TMIGD3: variants seen among roughly 807,000 people sequenced by gnomAD.
TMIGD3 encodes the protein transmembrane and immunoglobulin domain containing 3.
A neutral mutation model predicts 28.1 loss-of-function variants in TMIGD3; 21 were observed. The observed-to-expected ratio is 0.75, with a 90% CI of 0.53 to 1.08. The LOEUF (loss-of-function observed/expected upper bound fraction) is 1.08, where lower values mean the gene tolerates loss of function less well. TMIGD3 is among the 50% of genes least tolerant of loss of function. The pLI, the probability that TMIGD3 is intolerant of heterozygous loss-of-function variation, is 0.00. For missense variants in TMIGD3, 416 were observed against 435.6 expected, an observed-to-expected ratio of 0.96 and a Z score of 0.40; for synonymous variants, 151 against 162.1, an observed-to-expected ratio of 0.93 and a Z score of 0.52.
chr1:111,561,701 G>A (rs1293380975), intron 1 of TMIGD3, among the ~76,000 whole-genome samples: 2 of 152,214 alleles, frequency 1.3e-5, no homozygotes, highest in East Asian at 3.9e-4. Context: ...CTCATTTATG[G>A]AAGTGTCTCT....
At chr1:111,497,389 C>T (rs1047043823) in intron 1 of TMIGD3, among the ~76,000 whole-genome samples, 13 of 152,224 alleles carry the variant, frequency 8.5e-5, no homozygotes, top group Admixed American at 6.5e-4. Context: ...GGATTACAGG[C>T]ATGAGCCACT....
At chr1:111,535,742 T>C (rs999687696) in intron 1 of TMIGD3, among the ~76,000 whole-genome samples, 1 of 152,140 alleles carries the variant, frequency 6.6e-6, no homozygotes, top group Non-Finnish European at 1.5e-5. Context: ...TGGCCAGGAT[T>C]TTACTCTCCA....
chr1:111,531,532 C>T (rs953981833), intron 1 of TMIGD3, among the ~76,000 whole-genome samples: 3 of 152,212 alleles, frequency 2.0e-5, no homozygotes, highest in South Asian at 2.1e-4. Context: ...TACTACTAAA[C>T]GTTGTCTACT....
intron 1 of TMIGD3, among the ~76,000 whole-genome samples, chr1:111,522,244 T>C (rs1656089917): frequency 6.6e-6 from 1 of 152,244 alleles, no homozygotes; most frequent in Non-Finnish European, 1.5e-5. Flanking sequence ...ATTCTAGGTC[T>C]TTTGAATGTT....
intron 1 of TMIGD3, among the ~76,000 whole-genome samples, chr1:111,530,341 TA>T (rs1656418921): frequency 3.3e-5 from 5 of 152,182 alleles, no homozygotes; most frequent in Admixed American, 3.3e-4. Context: ...TTTGCACAAT[TA>T]TTTTTAAAGA....
At chr1:111,528,661 C>A (rs1253834934) in intron 1 of TMIGD3, among the ~76,000 whole-genome samples, 1 of 152,070 alleles carries the variant, frequency 6.6e-6, no homozygotes, top group East Asian at 1.9e-4. Flanking sequence ...AATGGAATAT[C>A]TCTTTATTTA....
At chr1:111,486,981 A>C (rs1654407268) in intron 3 of TMIGD3, among the ~76,000 whole-genome samples, 1 of 152,214 alleles carries the variant, frequency 6.6e-6, no homozygotes, top group Admixed American at 6.5e-5. Flanking sequence ...CCATAGTTAC[A>C]GTCCTAAACT....
chr1:111,519,218 C>T (rs576348082), intron 1 of TMIGD3, among the ~76,000 whole-genome samples: 4 of 152,244 alleles, frequency 2.6e-5, no homozygotes, highest in Middle Eastern at 3.4e-3. Context: ...GGATTACAGG[C>T]GTGAGCCACC....
intron 1 of TMIGD3, among the ~76,000 whole-genome samples, chr1:111,522,788 T>G (rs952278990): frequency 6.6e-6 from 1 of 152,198 alleles, no homozygotes; most frequent in Non-Finnish European, 1.5e-5. Context: ...AGTGCTGGGA[T>G]TACAGGCGTG....
chr1:111,549,456 C>T (rs965892289), intron 1 of TMIGD3, among the ~76,000 whole-genome samples: 2 of 151,634 alleles, frequency 1.3e-5, no homozygotes. Context: ...CAAGACCAGC[C>T]TGACCAATAT....
intron 3 of TMIGD3, 81 bp downstream of exon 3, chr1:111,488,596 T>C: frequency 7.5e-7 from 1 of 1,329,898 alleles, no homozygotes. Flanking sequence ...TGGGGCTCAC[T>C]GGCTTCAGAG....
intron 1 of TMIGD3, among the ~76,000 whole-genome samples, chr1:111,551,546 T>C (rs1252447930): frequency 6.6e-6 from 1 of 152,228 alleles, no homozygotes; most frequent in Non-Finnish European, 1.5e-5. Context: ...TTTATGCTGT[T>C]ACTGTCACAA....
chr1:111,512,570 C>A (rs1424531220), intron 1 of TMIGD3, among the ~76,000 whole-genome samples: 1 of 152,228 alleles, frequency 6.6e-6, no homozygotes, highest in Non-Finnish European at 1.5e-5. Context: ...CAGCAGTTAG[C>A]ACAGCACTTG....
intron 1 of TMIGD3, among the ~76,000 whole-genome samples, chr1:111,531,053 A>G (rs1441865177): frequency 6.6e-6 from 1 of 152,198 alleles, no homozygotes; most frequent in Non-Finnish European, 1.5e-5. Flanking sequence ...GAAGGCAGAT[A>G]GGTTGCTTGA....
chr1:111,517,108 C>T (rs74112313), intron 1 of TMIGD3, among the ~76,000 whole-genome samples: 34 of 152,290 alleles, frequency 2.2e-4, no homozygotes, highest in Admixed American at 1.2e-3. Flanking sequence ...CTCATGCTTG[C>T]GCATGTGTAC....
chr1:111,551,613 G>A (rs1657260980), intron 1 of TMIGD3, among the ~76,000 whole-genome samples: 1 of 152,076 alleles, frequency 6.6e-6, no homozygotes, highest in Non-Finnish European at 1.5e-5. Flanking sequence ...ATTGCTTTAT[G>A]TAGCTGTCTT....
chr1:111,542,200 C>T, intron 1 of TMIGD3: 1 of 546,094 alleles, frequency 1.8e-6, no homozygotes, highest in South Asian at 1.4e-5. Flanking sequence ...TCGTTTAGAC[C>T]AGCTTAATGA....
At chr1:111,495,905 C>T (rs1654866302) in intron 1 of TMIGD3, among the ~76,000 whole-genome samples, 1 of 151,858 alleles carries the variant, frequency 6.6e-6, no homozygotes, top group African/African-American at 2.4e-5. Flanking sequence ...AATGCAGTAA[C>T]AAAAAAACAA....
Position 111,485,811 on chromosome 1 carries a change from A to C in TMIGD3, c.902T>G (p.Ile301Ser), listed in dbSNP as rs375885681. Residue 301 changes from isoleucine (I) to serine (S), a missense_variant, in exon 5 of 6, where the codon ATC becomes AGC. Ile to Ser is a moderately radical substitution (Grantham distance 142). Coordinates refer to ENST00000369716, the MANE Select transcript of TMIGD3 (RefSeq NM_020683.7). ...TACAGAGATGATTCCCAAACCCGTGATCAGTATGCAAATGATGAGAATGGA... is the reference window on the plus strand; with the variant it reads ...TACAGAGATGATTCCCAAACCCGTGCTCAGTATGCAAATGATGAGAATGGA... Reference protein sequence around the residue: ...RTSILIICILITGLGIISVIS... With the variant: ...RTSILIICILSTGLGIISVIS... 6.2e-7 allele frequency: 1 copy of C among 1,612,628 alleles called. No homozygotes were observed. Among genetic ancestry groups the C allele is most frequent in the Non-Finnish European group, 8.5e-7 (1 of 1,179,734 alleles).
Sources: gnomAD v4.1 joint callset for allele counts (sites outside exome capture counted in the v4.1 genomes callset) on GRCh38, gnomAD v4.1.1 for gene constraint, MANE v1.5 for transcripts, NCBI Gene and HGNC (gene_info 2026-07-23, HGNC 2026-07-21) for gene names.